The following ACTR3 variants were observed in gnomAD, a reference collection of about 807,000 sequenced individuals.
ACTR3 encodes actin-related protein 3.
A neutral mutation model predicts 56.8 loss-of-function variants in ACTR3; 12 were observed. The ratio of observed to expected loss-of-function variants is 0.21; its 90% CI spans 0.14 to 0.34. ACTR3 has a LOEUF of 0.34. Ranked by LOEUF, ACTR3 falls within the 10% of genes least tolerant of loss-of-function variation. The pLI, the probability that ACTR3 is intolerant of heterozygous loss-of-function variation, is 1.00. For synonymous variants in ACTR3, 162 were observed against 167.4 expected (o/e 0.97, Z 0.25); for missense variants, 282 against 512.5 (o/e 0.55, Z 4.34).
chr2:113,950,396 T>G (rs1680098643), intron 8 of ACTR3, among the ~76,000 whole-genome samples: 1 of 152,184 alleles, frequency 6.6e-6, no homozygotes, highest in Non-Finnish European at 1.5e-5. Context: ...GACACTTGTT[T>G]ATAGTATGAG....
chr2:113,934,344 G>A lies in ACTR3; in HGVS notation c.498G>A (p.Thr166=), dbSNP rs747361538. 6 of 1,607,778 alleles carry A rather than the reference G, an allele frequency of 3.7e-6. No homozygotes were observed. The highest frequency in any genetic ancestry group is 2.2e-5 in the East Asian group (1 of 44,588). Residue 166 remains threonine (T), a synonymous_variant, in exon 6 of 12, where the codon ACG becomes ACA. Transcript: ENST00000263238. The part of the protein sequence containing the change: ...RQVGERTLTG[T]VIDSGDGVTH... ...TAGGAGAACGGACGTTGACCGGTAC[G>A]GTAATAGACAGTGGAGATGGTGTCA...
In ACTR3 at chr2:113,959,997, ATTTC is replaced by A. The variant is rs1408554991; in HGVS notation, c.*2546_*2549del. On this transcript the variant is annotated 3_prime_UTR_variant, in exon 12 of 12. Coordinates refer to ENST00000263238, the MANE Select transcript of ACTR3 (RefSeq NM_005721.5). The stretch of plus-strand genomic sequence containing the variant: ...AGGCATTATACTGGATTATCCTGCA[ATTTC>A]TTTGAGTTGTTAGAATATAATGTAG... The A allele has an allele frequency of 6.6e-6, 1 of 152,040 alleles. No homozygotes were observed. Among genetic ancestry groups the A allele is most frequent in the African/African-American group, 2.4e-5 (1 of 41,444 alleles). The allele number at this position is 152,040 out of a possible 1,614,324, so 9.4% of individuals were successfully genotyped here.
chr2:113,906,687 A>G (rs796728087), intron 1 of ACTR3, among the ~76,000 whole-genome samples: 1 of 152,010 alleles, frequency 6.6e-6, no homozygotes, highest in Non-Finnish European at 1.5e-5. Flanking sequence ...TTGCATGTGG[A>G]TATCCAGTTT....
rs1400828243 is a variant in ACTR3, at chr2:113,962,106, C to A, written c.*4651C>A. The A allele has an allele frequency of 6.6e-6, 1 of 151,810 alleles. No homozygotes were observed. The highest frequency in any genetic ancestry group is 2.4e-5 in the African/African-American group (1 of 41,360). The allele number at this position is 151,810 out of a possible 1,614,324, so 9.4% of individuals were successfully genotyped here. Reference sequence around the variant, plus strand: ...TTACATGAGTATACAACTTTTGTTCCTTCAAAATACCCATATTTGTCAAAT... The same window carrying A: ...TTACATGAGTATACAACTTTTGTTCATTCAAAATACCCATATTTGTCAAAT... On this transcript the variant is annotated 3_prime_UTR_variant, in exon 12 of 12. Transcript: ENST00000263238.
In ACTR3 at chr2:113,951,797, A is replaced by G. The variant is rs1175933018; in HGVS notation, c.1029A>G (p.Val343=). 6 of 1,613,690 alleles carry G rather than the reference A, an allele frequency of 3.7e-6. No homozygotes were observed. The highest frequency in any genetic ancestry group is 5.1e-6 in the Non-Finnish European group (6 of 1,179,646). Residue 343 remains valine (V), a synonymous_variant, in exon 10 of 12, where the codon GTA becomes GTG. Transcript: ENST00000263238. ...TGCAAAGAGATTTGAAAAGAACTGT[A>G]GATGCCCGGCTGAAATTAAGTGAGG... The part of the protein sequence containing the change: ...RRLQRDLKRT[V]DARLKLSEEL...
At chr2:113,931,637 C>T (rs1271147881) in intron 5 of ACTR3, among the ~76,000 whole-genome samples, 4 of 152,094 alleles carry the variant, frequency 2.6e-5, no homozygotes, top group Non-Finnish European at 5.9e-5. Context: ...CAAGGGCTTT[C>T]ATAGGACAGA....
At chr2:113,942,499 A>G (rs1012695702) in intron 8 of ACTR3, 140 bp downstream of exon 8, 8 of 611,584 alleles carry the variant, frequency 1.3e-5, no homozygotes, top group Non-Finnish European at 1.9e-5. Context: ...AAAACATTTT[A>G]TGAACTTTTT....
intron 1 of ACTR3, among the ~76,000 whole-genome samples, chr2:113,910,139 G>T (rs188396720): frequency 6.6e-6 from 1 of 152,166 alleles, no homozygotes; most frequent in Admixed American, 6.5e-5. Flanking sequence ...TTAGTGAGTT[G>T]GGACTTCCAG....
At chr2:113,923,025 G>T (rs531959957) in intron 3 of ACTR3, among the ~76,000 whole-genome samples, 1 of 152,208 alleles carries the variant, frequency 6.6e-6, no homozygotes, top group East Asian at 1.9e-4. Flanking sequence ...TCAGTCAGTC[G>T]AGAGGCCAGA....
chr2:113,933,125 G>A (rs181872329), intron 5 of ACTR3, among the ~76,000 whole-genome samples: 30 of 152,214 alleles, frequency 2.0e-4, no homozygotes, highest in Admixed American at 1.2e-3. Flanking sequence ...TTTTATCAAC[G>A]TTGCTCCATA....
rs528669943 is a variant in ACTR3, at chr2:113,917,413, TTTTTC to T, written c.225+412_225+416del. On this transcript the variant is annotated intron_variant, in intron 3 of 11. Coordinates refer to ENST00000263238, the MANE Select transcript of ACTR3 (RefSeq NM_005721.5). ...CTTTCTCCCTCTTTTTCTTTTTCCC[TTTTTC>T]TTTTCTACCCTTTTCCCTCCCTCTT... Among the ~76,000 whole-genome samples, 220 of 152,196 alleles carry T rather than the reference TTTTTC, an allele frequency of 1.4e-3. 1 individual carries two copies. Among genetic ancestry groups the T allele is most frequent in the African/African-American group, 5.0e-3 (207 of 41,474 alleles).
At chr2:113,953,615 CTG>C (rs1680158762) in intron 10 of ACTR3, 2 of 152,170 alleles carry the variant, frequency 1.3e-5, no homozygotes, top group South Asian at 4.1e-4. Context: ...TTCCTTCAGT[CTG>C]TAATTTTTAA....
chr2:113,941,779 A>G lies in ACTR3; in HGVS notation c.685-407A>G, dbSNP rs1574378340. Among the ~76,000 whole-genome samples the G allele has an allele frequency of 3.9e-5, 6 of 152,126 alleles. No homozygotes were observed. The South Asian group carries it at 1.2e-3, about 31-fold the overall frequency. On this transcript the variant is annotated intron_variant, in intron 7 of 11. Transcript: ENST00000263238. ...TGTTTCAGATAGATATTAAGGATCT[A>G]TATTAATTTGTGTGGTTATCACAAT...
chr2:113,952,857 C>G (rs1375610995), intron 10 of ACTR3: 1 of 152,188 alleles, frequency 6.6e-6, no homozygotes, highest in East Asian at 1.9e-4. Context: ...CCAGCCCACC[C>G]CCATTCATCC....
intron 3 of ACTR3, among the ~76,000 whole-genome samples, chr2:113,918,447 G>T (rs1483876862): frequency 1.3e-5 from 2 of 148,698 alleles, no homozygotes; most frequent in Non-Finnish European, 3.0e-5. Flanking sequence ...TCAGTGGCAT[G>T]AACATGACTC....
At chr2:113,945,708 C>T (rs768743707) in intron 8 of ACTR3, among the ~76,000 whole-genome samples, 1 of 151,850 alleles carries the variant, frequency 6.6e-6, no homozygotes, top group Non-Finnish European at 1.5e-5. Flanking sequence ...AAACTTTTGT[C>T]ATGGAGGTTG....
intron 1 of ACTR3, among the ~76,000 whole-genome samples, chr2:113,894,027 G>A (rs1678957213): frequency 6.6e-6 from 1 of 151,918 alleles, no homozygotes; most frequent in African/African-American, 2.4e-5. Flanking sequence ...ATGAAGGAAG[G>A]TATATGTGGG....
At chr2:113,955,546 G>A in intron 10 of ACTR3, 77 bp from the exon 11 acceptor site, 3 of 1,044,444 alleles carry the variant, frequency 2.9e-6, no homozygotes, top group South Asian at 2.8e-5. Context: ...TTTTGTATAT[G>A]TACATTTAAG....
intron 8 of ACTR3, among the ~76,000 whole-genome samples, chr2:113,949,401 A>G (rs1182975981): frequency 6.6e-6 from 1 of 150,942 alleles, no homozygotes; most frequent in Non-Finnish European, 1.5e-5. Flanking sequence ...AAAGAAAAAA[A>G]AAAAGAAAAA....
Sources: allele counts gnomAD v4.1 joint callset (sites outside exome capture counted in the v4.1 genomes callset), GRCh38; gene constraint gnomAD v4.1.1; transcripts MANE v1.5; gene names NCBI Gene and HGNC (gene_info 2026-07-23, HGNC 2026-07-21).